Variants in FNBP1L observed in about 807,000 individuals in gnomAD.
The protein encoded by FNBP1L is formin binding protein 1 like, also known as formin-binding protein 1-like.
FNBP1L carries 36 observed loss-of-function variants against 91.2 expected under a neutral mutation model. The ratio of observed to expected loss-of-function variants is 0.39; its 90% CI spans 0.30 to 0.52. The LOEUF is 0.52. Among genes scored for constraint, FNBP1L ranks in the 20% least tolerant of loss-of-function variants. FNBP1L has a pLI of 0.66. For missense variants in FNBP1L, 571 were observed against 732.1 expected (o/e 0.78, Z 2.54); for synonymous variants, 242 against 237.0 (o/e 1.02, Z -0.19).
intron 1 of FNBP1L, among the ~76,000 whole-genome samples, chr1:93,453,427 T>G (rs990331108): frequency 2.0e-5 from 3 of 152,114 alleles, no homozygotes; most frequent in Non-Finnish European, 2.9e-5. Flanking sequence ...AAATATTTGC[T>G]CTCTCTCCTT....
rs557044122 is a variant in FNBP1L at position 93,468,745 on chromosome 1, T to G, written c.24+20440T>G. Among the ~76,000 whole-genome samples the G allele has an allele frequency of 6.6e-5, 10 of 152,306 alleles. No individual in the cohort carries two copies. The East Asian group carries it at 1.9e-3, about 29-fold the overall frequency. On this transcript the variant is annotated intron_variant, in intron 1 of 16. Transcript: ENST00000271234. ...TACACCTGGCCCGATGGACAAGTTTTTGTGTGTATATATTTTTCTTTCTCT... is the reference window on the plus strand; with the variant it reads ...TACACCTGGCCCGATGGACAAGTTTGTGTGTGTATATATTTTTCTTTCTCT...
intron 2 of FNBP1L, 30 bp from the exon 3 acceptor site, chr1:93,522,052 A>C: frequency 1.4e-6 from 2 of 1,399,388 alleles, no homozygotes; most frequent in Non-Finnish European, 1.9e-6. Flanking sequence ...TGAAATTTTT[A>C]ATAAACTTTA....
chr1:93,528,390 G>A (rs1327848000), intron 5 of FNBP1L, among the ~76,000 whole-genome samples: 1 of 152,148 alleles, frequency 6.6e-6, no homozygotes, highest in African/African-American at 2.4e-5. Context: ...TACACAGGAA[G>A]CCAGAAGAAT....
intron 2 of FNBP1L, among the ~76,000 whole-genome samples, chr1:93,521,203 A>G (rs1409160558): frequency 6.6e-6 from 1 of 152,216 alleles, no homozygotes; most frequent in African/African-American, 2.4e-5. Context: ...AAGAATGTTA[A>G]GAACAGACAT....
chr1:93,532,799 T>A (rs578096765), intron 7 of FNBP1L, 123 bp from the exon 8 acceptor site: 1 of 633,100 alleles, frequency 1.6e-6, no homozygotes, highest in South Asian at 3.4e-5. Flanking sequence ...TTAAAAGGTA[T>A]TAACAACAGT....
At chr1:93,539,728 T>C (rs1290421983) in intron 10 of FNBP1L, among the ~76,000 whole-genome samples, 1 of 152,136 alleles carries the variant, frequency 6.6e-6, no homozygotes, top group Non-Finnish European at 1.5e-5. Context: ...TCTTCAAACC[T>C]TTCTATTTCC....
In FNBP1L at chr1:93,465,377, C is replaced by T. The variant is rs567793672; in HGVS notation, c.24+17072C>T. On this transcript the variant is annotated intron_variant, in intron 1 of 16. Transcript: ENST00000271234. ...CAGCCTCCCACCCCCCAACAGGCCG[C>T]GGTGTGTGATGTTCACCGCCTTGTG... 1.6e-3 allele frequency among the ~76,000 whole-genome samples: 240 copies of T among 151,914 alleles called. 1 individual carries two copies. The highest frequency in any genetic ancestry group is 5.6e-3 in the African/African-American group (233 of 41,386).
At chr1:93,503,959 G>A (rs1382525721) in intron 2 of FNBP1L, among the ~76,000 whole-genome samples, 1 of 151,988 alleles carries the variant, frequency 6.6e-6, no homozygotes. Context: ...TAAATTTTTG[G>A]TTCAGATGTG....
At chr1:93,513,109 T>C (rs1239421480) in intron 2 of FNBP1L, among the ~76,000 whole-genome samples, 1 of 152,036 alleles carries the variant, frequency 6.6e-6, no homozygotes, top group African/African-American at 2.4e-5. Context: ...CCCACAGAAA[T>C]ACAAACGACC....
Position 93,544,115 on chromosome 1 carries a change from A to T in FNBP1L, c.1173A>T (p.Ala391=), listed in dbSNP as rs772065387. The T allele has an allele frequency of 1.9e-6, 3 of 1,607,352 alleles. No individual in the cohort carries two copies. In the African/African-American group the frequency reaches 4.0e-5, roughly 22 times the overall value. ...KRGWSVKMGP[A]LEDFSHLPPE... is the part of the protein sequence containing the mutation. The stretch of plus-strand genomic sequence containing the variant: ...TTAGATTCTCTTTTCAGGGCCCAGC[A>T]CTAGAAGATTTCAGTCATCTGCCAC... Residue 391 remains alanine (A), a synonymous_variant, in exon 12 of 17, where the codon GCA becomes GCT. Transcript: ENST00000271234.
At chr1:93,510,699 A>G (rs1670802916) in intron 2 of FNBP1L, among the ~76,000 whole-genome samples, 1 of 152,146 alleles carries the variant, frequency 6.6e-6, no homozygotes, top group African/African-American at 2.4e-5. Flanking sequence ...AGAAGTTGAA[A>G]ACTTTGAAAA....
chr1:93,462,906 C>T (rs965709116), intron 1 of FNBP1L, among the ~76,000 whole-genome samples: 1 of 151,972 alleles, frequency 6.6e-6, no homozygotes, highest in African/African-American at 2.4e-5. Flanking sequence ...TGCTCCCCTC[C>T]TTTATGATAA....
At chr1:93,452,191 G>T (rs1043393101) in intron 1 of FNBP1L, among the ~76,000 whole-genome samples, 2 of 152,212 alleles carry the variant, frequency 1.3e-5, no homozygotes, top group Non-Finnish European at 2.9e-5. Context: ...CACTGACCAA[G>T]ACAATGCTTG....
In FNBP1L at chr1:93,542,002, C is replaced by CA. The variant is rs558664532; in HGVS notation, c.1164+955dup. Among the ~76,000 whole-genome samples, 96 of 149,546 alleles carry CA rather than the reference C, an allele frequency of 6.4e-4. 1 individual carries two copies. The highest frequency in any genetic ancestry group is 1.0e-3 in the Admixed American group (15 of 15,022). On this transcript the variant is annotated intron_variant, in intron 11 of 16. Transcript: ENST00000271234. ...TGTGAGTTTATCATAATTTTGACAA[C>CA]AAAAAAAAACTCCACAGTATGTTGA...
At chr1:93,532,251 G>A (rs1478746149) in intron 7 of FNBP1L, among the ~76,000 whole-genome samples, 2 of 151,960 alleles carry the variant, frequency 1.3e-5, no homozygotes, top group African/African-American at 2.4e-5. Flanking sequence ...GGTGGATCAC[G>A]AGGTCAAGAG....
intron 10 of FNBP1L, among the ~76,000 whole-genome samples, chr1:93,537,982 T>C (rs953701925): frequency 3.9e-5 from 6 of 152,142 alleles, no homozygotes; most frequent in Admixed American, 3.9e-4. Flanking sequence ...CATGAACCAC[T>C]ACTCCTCTGG....
intron 11 of FNBP1L, 73 bp from the exon 12 acceptor site, chr1:93,544,034 T>C: frequency 9.1e-7 from 1 of 1,094,280 alleles, no homozygotes; most frequent in East Asian, 2.7e-5. Flanking sequence ...GTATTCTTAT[T>C]TTATAGCAGG....
intron 2 of FNBP1L, among the ~76,000 whole-genome samples, chr1:93,504,259 G>A (rs1670532634): frequency 6.6e-6 from 1 of 152,178 alleles, no homozygotes; most frequent in African/African-American, 2.4e-5. Context: ...CTGGAGTTTG[G>A]TGTCGTGTAC....
At chr1:93,475,228 T>C (rs1669450035) in intron 1 of FNBP1L, among the ~76,000 whole-genome samples, 1 of 152,110 alleles carries the variant, frequency 6.6e-6, no homozygotes, top group Non-Finnish European at 1.5e-5. Context: ...AAGCTTTACA[T>C]ATTCTGAAAA....
Sources: gnomAD v4.1 joint callset for allele counts (sites outside exome capture counted in the v4.1 genomes callset) on GRCh38, gnomAD v4.1.1 for gene constraint, MANE v1.5 for transcripts, NCBI Gene and HGNC (gene_info 2026-07-23, HGNC 2026-07-21) for gene names.